The following MAX variants were observed in gnomAD, a reference collection of about 807,000 sequenced individuals.
The protein encoded by MAX is MYC associated transcriptional regulator X.
A neutral mutation model predicts 22.3 loss-of-function variants in MAX; 3 were observed. The ratio of observed to expected loss-of-function variants is 0.13; its 90% CI spans 0.06 to 0.35. The LOEUF is 0.35. Among genes scored for constraint, MAX ranks in the 10% least tolerant of loss-of-function variants. The pLI, the probability that MAX is intolerant of heterozygous loss-of-function variation, is 1.00. For synonymous variants in MAX, 72 were observed against 77.7 expected (o/e 0.93, Z 0.39); for missense variants, 119 against 209.4 (o/e 0.57, Z 2.66).
At chr14:65,053,683 C>T (rs1418060414) in intron 3 of MAX, among the ~76,000 whole-genome samples, 2 of 151,668 alleles carry the variant, frequency 1.3e-5, no homozygotes, top group African/African-American at 2.4e-5. Flanking sequence ...TTTAAAACCC[C>T]TCAGTGTTGT....
At chr14:65,017,586 G>A (rs2061801521) in intron 3 of MAX, among the ~76,000 whole-genome samples, 1 of 152,198 alleles carries the variant, frequency 6.6e-6, no homozygotes, top group Non-Finnish European at 1.5e-5. Flanking sequence ...AGGAAGAGAG[G>A]AGCCTTTAAA....
chr14:65,066,862 C>CA (rs759184338), intron 3 of MAX, among the ~76,000 whole-genome samples: 10,076 of 88,694 alleles, frequency 0.11, 673 homozygotes, highest in African/African-American at 0.17. Context: ...AATTCCATCT[C>CA]AAAAAAAAAA....
At chr14:65,083,450 T>A (rs2063247535) in intron 3 of MAX, among the ~76,000 whole-genome samples, 1 of 152,152 alleles carries the variant, frequency 6.6e-6, no homozygotes. Flanking sequence ...ATTTCTGGAG[T>A]TATAAATTTT....
Position 65,009,733 on chromosome 14 carries a change from A to G in MAX, c.172-3449T>C, listed in dbSNP as rs1198635779. On this transcript the variant is annotated intron_variant, in intron 3 of 3. Transcript: ENST00000341653. This position sits in a 1 kb window ranked among gnomAD's most constrained non-coding sequence, Gnocchi z 4.2. ...GATCCAGCTGAACTAAACTAACTCA[A>G]ATGTGTCATGGTGTTTTCTTCATTT... is the stretch of plus-strand genomic sequence containing the variant. 6.6e-6 allele frequency among the ~76,000 whole-genome samples: 1 copy of G among 151,914 alleles called. No individual in the cohort carries two copies. The highest frequency in any genetic ancestry group is 1.5e-5 in the Non-Finnish European group (1 of 67,972).
rs1319964732 is a variant in MAX, at chr14:65,032,162, G to A, written c.172-25878C>T. Among the ~76,000 whole-genome samples, 1 of 152,096 alleles carries A rather than the reference G, an allele frequency of 6.6e-6. No homozygotes were observed. The highest frequency in any genetic ancestry group is 1.5e-5 in the Non-Finnish European group (1 of 68,026). On this transcript the variant is annotated intron_variant, in intron 3 of 3. Transcript: ENST00000341653. This position sits in a 1 kb window ranked among gnomAD's most constrained non-coding sequence, Gnocchi z 5.0. ...TTGCAGTTTATCTGTTGCAGAAAAAGTATAGTTAATCTTTAATGTGTCAAG... is the reference window on the plus strand; with the variant it reads ...TTGCAGTTTATCTGTTGCAGAAAAAATATAGTTAATCTTTAATGTGTCAAG...
At chr14:65,039,915 G>A (rs1000009374) in intron 3 of MAX, among the ~76,000 whole-genome samples, 3 of 152,212 alleles carry the variant, frequency 2.0e-5, no homozygotes, top group Admixed American at 6.6e-5. Context: ...GAGGCCAAGT[G>A]CGGTGGCCCA....
chr14:65,094,103 T>G (rs1175550637), intron 2 of MAX: 1 of 413,810 alleles, frequency 2.4e-6, no homozygotes, highest in Non-Finnish European at 4.6e-6. Context: ...GACTCTCCTG[T>G]AACATCAGTG....
At chr14:65,019,915 C>T (rs565360508) in intron 3 of MAX, among the ~76,000 whole-genome samples, 1 of 152,134 alleles carries the variant, frequency 6.6e-6, no homozygotes, top group Admixed American at 6.5e-5. Context: ...AGAATATTGC[C>T]TTTTTATTTA....
At position 65,032,746 on chromosome 14, in the gene MAX, G is replaced by A. The variant is rs775238109; in HGVS notation, c.172-26462C>T. 4 of 1,563,818 alleles carry A rather than the reference G, an allele frequency of 2.6e-6. No individual in the cohort carries two copies. Among genetic ancestry groups the A allele is most frequent in the African/African-American group, 1.4e-5 (1 of 72,790 alleles). ...GGCCTCTTGGAGAGCAGGCGGTCAC[G>A]ACACTACTTCAGAAAAATAAAGAAA... is the stretch of plus-strand genomic sequence containing the variant. On this transcript the variant is annotated intron_variant, in intron 3 of 3. Transcript: ENST00000341653. The surrounding 1 kb of genome is among the most constrained non-coding windows in gnomAD (Gnocchi z 5.0).
At chr14:65,058,314 T>C (rs932089077) in intron 3 of MAX, among the ~76,000 whole-genome samples, 2 of 152,146 alleles carry the variant, frequency 1.3e-5, no homozygotes, top group African/African-American at 4.8e-5. Flanking sequence ...CTCTTGTGAC[T>C]GGAATCTTTT....
Position 65,031,480 on chromosome 14 carries a change from G to A in MAX, c.172-25196C>T, listed in dbSNP as rs2062082149. 6.6e-6 allele frequency among the ~76,000 whole-genome samples: 1 copy of A among 151,938 alleles called. No homozygotes were observed. Among genetic ancestry groups the A allele is most frequent in the South Asian group, 2.1e-4 (1 of 4,820 alleles). On this transcript the variant is annotated intron_variant, in intron 3 of 3. Transcript: ENST00000341653. The surrounding 1 kb of genome is among the most constrained non-coding windows in gnomAD (Gnocchi z 4.6). ...CTACGGGCACACGCCACCATGCCCAGCTAATTTTTGTGTTTTTAGTGGAGA... is the reference window on the plus strand; with the variant it reads ...CTACGGGCACACGCCACCATGCCCAACTAATTTTTGTGTTTTTAGTGGAGA...
intron 3 of MAX, among the ~76,000 whole-genome samples, chr14:65,033,690 T>A (rs1192756317): frequency 6.6e-6 from 1 of 152,120 alleles, no homozygotes; most frequent in African/African-American, 2.4e-5. Flanking sequence ...ACCCCGTCTC[T>A]ACTAAAAATA....
intron 3 of MAX, among the ~76,000 whole-genome samples, chr14:65,059,916 C>G (rs1255017786): frequency 6.7e-6 from 1 of 150,326 alleles, no homozygotes; most frequent in African/African-American, 2.5e-5. Flanking sequence ...TCACTGCAAC[C>G]TCCGCCTCCC....
chr14:65,099,639 G>T (rs561700318), intron 2 of MAX, among the ~76,000 whole-genome samples: 1 of 151,952 alleles, frequency 6.6e-6, no homozygotes, highest in African/African-American at 2.4e-5. Context: ...AAGGCTAAAC[G>T]ATCCTTACCC....
At position 65,014,094 on chromosome 14, in the gene MAX, G is replaced by A. The variant is rs2061729830; in HGVS notation, c.172-7810C>T. ...GCATAGTTTTGAAGAGAGCAGCTTG[G>A]GCCAACGGAAAGAACACTGGATTGA... On this transcript the variant is annotated intron_variant, in intron 3 of 3. Transcript: ENST00000341653. This position sits in a 1 kb window ranked among gnomAD's most constrained non-coding sequence, Gnocchi z 5.1. Among the ~76,000 whole-genome samples, 1 of 152,140 alleles carries A rather than the reference G, an allele frequency of 6.6e-6. No homozygotes were observed. Among genetic ancestry groups the A allele is most frequent in the Non-Finnish European group, 1.5e-5 (1 of 68,032 alleles).
intron 3 of MAX, among the ~76,000 whole-genome samples, chr14:65,017,849 G>A (rs1292311655): frequency 2.0e-5 from 3 of 152,152 alleles, no homozygotes; most frequent in South Asian, 4.1e-4. Flanking sequence ...CAGCTACTCG[G>A]GAGGCTGAGG....
chr14:65,019,355 C>T (rs1274931500), intron 3 of MAX, among the ~76,000 whole-genome samples: 1 of 151,078 alleles, frequency 6.6e-6, no homozygotes, highest in Admixed American at 6.6e-5. Flanking sequence ...GATGTGGTGG[C>T]TGGCACCTGT....
intron 3 of MAX, among the ~76,000 whole-genome samples, chr14:65,019,487 C>CA (rs1566873256): frequency 7.3e-6 from 1 of 137,686 alleles, no homozygotes; most frequent in Non-Finnish European, 1.5e-5. Flanking sequence ...ACTGTTGTCT[C>CA]AAAAAACAAA....
At chr14:65,041,288 T>G (rs552725259) in intron 3 of MAX, among the ~76,000 whole-genome samples, 8 of 152,216 alleles carry the variant, frequency 5.3e-5, no homozygotes, top group African/African-American at 1.9e-4. Flanking sequence ...AACCAAACTT[T>G]TATTACCTGC....
Sources: allele counts gnomAD v4.1 joint callset (sites outside exome capture counted in the v4.1 genomes callset), GRCh38; gene constraint gnomAD v4.1.1; non-coding constraint Gnocchi (gnomAD v3.1); transcripts MANE v1.5; gene names NCBI Gene and HGNC (gene_info 2026-07-23, HGNC 2026-07-21).